LRRC37B: variants seen among roughly 807,000 people sequenced by gnomAD.
LRRC37B encodes leucine rich repeat containing 37B.
LRRC37B carries 28 observed loss-of-function variants against 98.3 expected under a neutral mutation model. The ratio of observed to expected loss-of-function variants is 0.28; its 90% CI spans 0.21 to 0.39. The LOEUF (loss-of-function observed/expected upper bound fraction) is 0.39, where lower values mean the gene tolerates loss of function less well. Ranked by LOEUF, LRRC37B falls within the 10% of genes least tolerant of loss-of-function variation. The pLI, the probability that LRRC37B is intolerant of heterozygous loss-of-function variation, is 1.00. For synonymous variants in LRRC37B, 364 were observed against 442.7 expected, an observed-to-expected ratio of 0.82 and a Z score of 2.23; for missense variants, 938 against 1,182.7, an observed-to-expected ratio of 0.79 and a Z score of 3.03.
exon 1 of LRRC37B, chr17:32,022,004 G>T (rs765689331): frequency 6.2e-7 from 1 of 1,613,886 alleles, no homozygotes; most frequent in Non-Finnish European, 8.5e-7. Flanking sequence ...AAGCCCCAGC[G>T]CAGCTTCTAC....
chr17:32,024,271 G>C (rs1910882319), intron 1 of LRRC37B, among the ~76,000 whole-genome samples: 1 of 152,182 alleles, frequency 6.6e-6, no homozygotes, highest in Non-Finnish European at 1.5e-5. Flanking sequence ...AAAAGCCTAG[G>C]ATGTTTCAAG....
At chr17:32,042,125 G>A (rs972465848) in intron 7 of LRRC37B, 5 of 304,044 alleles carry the variant, frequency 1.6e-5, no homozygotes, top group Non-Finnish European at 3.2e-5. Context: ...CTGGCCTGCT[G>A]TCAGCTTGCA....
At chr17:32,049,709 A>G (rs1381494889) in intron 10 of LRRC37B, among the ~76,000 whole-genome samples, 1 of 152,166 alleles carries the variant, frequency 6.6e-6, no homozygotes, top group Non-Finnish European at 1.5e-5. Flanking sequence ...TTCACAAAAA[A>G]TACAAAAATT....
intron 2 of LRRC37B, among the ~76,000 whole-genome samples, chr17:32,025,823 A>C (rs1451145403): frequency 6.6e-6 from 1 of 152,228 alleles, no homozygotes; most frequent in Non-Finnish European, 1.5e-5. Flanking sequence ...TGTCCTCAAA[A>C]ATGTTGTGCC....
chr17:32,020,923 G>T, upstream of LRRC37B: 6 of 1,425,250 alleles, frequency 4.2e-6, no homozygotes, highest in Middle Eastern at 2.5e-4. Flanking sequence ...TCACTAAGGG[G>T]AGGGGAGGGG....
At chr17:32,051,773 A>G (rs975050090) in intron 11 of LRRC37B, 1 of 152,276 alleles carries the variant, frequency 6.6e-6, no homozygotes, top group African/African-American at 2.4e-5. Context: ...AAATTTGAGA[A>G]TTGACATCTG....
chr17:32,023,863 G>A (rs1910872502), intron 1 of LRRC37B, among the ~76,000 whole-genome samples: 1 of 152,156 alleles, frequency 6.6e-6, no homozygotes, highest in Non-Finnish European at 1.5e-5. Flanking sequence ...CATAAAAAGG[G>A]CGGTGTATAT....
At chr17:32,022,240 C>T (rs1296233409) in exon 1 of LRRC37B, 1 of 1,613,832 alleles carries the variant, frequency 6.2e-7, no homozygotes, top group Non-Finnish European at 8.5e-7. Context: ...TCTACCCAAG[C>T]CCAGCAGGAG....
chr17:32,018,979 T>G (rs1291248530), upstream of LRRC37B, among the ~76,000 whole-genome samples: 1 of 152,020 alleles, frequency 6.6e-6, no homozygotes, highest in African/African-American at 2.4e-5. Flanking sequence ...CAGGCTGGAG[T>G]GCGATGGCAC....
chr17:32,053,219 G>A, intron 11 of LRRC37B, 47 bp from the exon 15 acceptor site: 1 of 1,300,782 alleles, frequency 7.7e-7, no homozygotes, highest in Non-Finnish European at 1.1e-6. Context: ...ATTGGAGATA[G>A]TGGTTGTTGT....
Position 32,022,492 on chromosome 17 carries a change from C to T in LRRC37B, c.1427C>T (p.Pro476Leu), listed in dbSNP as rs144094254. 53 of 1,613,190 alleles carry T rather than the reference C, an allele frequency of 3.3e-5. No individual in the cohort carries two copies. The highest frequency in any genetic ancestry group is 6.7e-5 in the African/African-American group (5 of 75,014). ...GAAACCTCAGCTCAGCCTCCAGACCCGGGGCTTGCCATAACTCCAGAACCC... is the reference window on the plus strand; with the variant it reads ...GAAACCTCAGCTCAGCCTCCAGACCTGGGGCTTGCCATAACTCCAGAACCC... The change falls in exon 1 of 12, where the codon CCG becomes CTG. Residue 476 changes from proline (P) to leucine (L), a missense_variant. Transcript: ENST00000327564.
At chr17:32,024,088 T>G (rs1488373755) in intron 1 of LRRC37B, among the ~76,000 whole-genome samples, 2 of 151,708 alleles carry the variant, frequency 1.3e-5, no homozygotes, top group African/African-American at 4.9e-5. Flanking sequence ...TTTATTTTGT[T>G]TTTTTTGCTT....
chr17:32,021,981 T>A, exon 1 of LRRC37B: 1 of 1,614,062 alleles, frequency 6.2e-7, no homozygotes, highest in Non-Finnish European at 8.5e-7. Flanking sequence ...CCAGTCCTCT[T>A]CACTCCAGGA....
chr17:32,019,921 G>A (rs368651497), upstream of LRRC37B, among the ~76,000 whole-genome samples: 4 of 152,098 alleles, frequency 2.6e-5, no homozygotes, highest in South Asian at 8.3e-4. Context: ...TTGCGATCTC[G>A]GCTCACTGCA....
intron 1 of LRRC37B, among the ~76,000 whole-genome samples, chr17:32,013,805 C>T (rs1362998394): frequency 6.6e-6 from 1 of 151,686 alleles, no homozygotes; most frequent in Non-Finnish European, 1.5e-5. Context: ...TATCTACATG[C>T]ATACATTGTA....
At chr17:32,015,602 AT>A (rs1057465114) in intron 1 of LRRC37B, among the ~76,000 whole-genome samples, 1 of 152,108 alleles carries the variant, frequency 6.6e-6, no homozygotes, top group African/African-American at 2.4e-5. Flanking sequence ...AAACACTGTA[AT>A]TTTTTTTAAA....
upstream of LRRC37B, chr17:32,020,876 T>G: frequency 8.3e-7 from 1 of 1,211,836 alleles, no homozygotes; most frequent in Non-Finnish European, 1.1e-6. Flanking sequence ...GCCGCTGGAG[T>G]CCTGGGACCA....
At chr17:32,036,729 A>G (rs897927579) in intron 7 of LRRC37B, among the ~76,000 whole-genome samples, 10 of 152,148 alleles carry the variant, frequency 6.6e-5, no homozygotes, top group East Asian at 1.9e-4. Context: ...TCATCAATGT[A>G]TAGACATTTG....
intron 7 of LRRC37B, among the ~76,000 whole-genome samples, chr17:32,037,207 C>T (rs1197579197): frequency 6.6e-6 from 1 of 151,986 alleles, no homozygotes; most frequent in Admixed American, 6.6e-5. Flanking sequence ...TCTTGAACTC[C>T]TGACCTCAAT....
Sources: allele counts gnomAD v4.1 joint callset (sites outside exome capture counted in the v4.1 genomes callset), GRCh38; gene constraint gnomAD v4.1.1; transcripts MANE v1.5; gene names NCBI Gene and HGNC (gene_info 2026-07-23, HGNC 2026-07-21).